PDE5A: variants seen among roughly 807,000 people sequenced by gnomAD.
The protein encoded by PDE5A is cGMP-specific 3',5'-cyclic phosphodiesterase.
PDE5A carries 67 observed loss-of-function variants against 110.2 expected under a neutral mutation model. That is an observed-to-expected ratio of 0.61 (90% CI 0.50 to 0.75). PDE5A has a LOEUF of 0.75. Among genes scored for constraint, PDE5A ranks in the 30% least tolerant of loss-of-function variants. PDE5A has a pLI of 0.00. For missense variants in PDE5A, 862 were observed against 1,045.1 expected (o/e 0.82, Z 2.42); for synonymous variants, 328 against 351.2 (o/e 0.93, Z 0.74).
At chr4:119,562,780 G>T (rs763481822) in intron 6 of PDE5A, 53 bp downstream of exon 6, 20 of 1,413,726 alleles carry the variant, frequency 1.4e-5, no homozygotes, top group Non-Finnish European at 1.8e-5. Context: ...AGTGCTTATA[G>T]AAATATAAGT....
At chr4:119,550,170 G>T (rs1727290636) in intron 9 of PDE5A, 1 of 152,052 alleles carries the variant, frequency 6.6e-6, no homozygotes, top group African/African-American at 2.4e-5. Flanking sequence ...TTATATTTGG[G>T]ATCTACTTGA....
intron 11 of PDE5A, among the ~76,000 whole-genome samples, chr4:119,531,224 G>A (rs996822145): frequency 6.6e-6 from 1 of 152,068 alleles, no homozygotes; most frequent in Non-Finnish European, 1.5e-5. Flanking sequence ...CCCCCAGTAA[G>A]CTTTCCACCT....
intron 2 of PDE5A, among the ~76,000 whole-genome samples, chr4:119,598,005 CTTATT>C (rs990448557): frequency 4.9e-4 from 75 of 152,012 alleles, no homozygotes; most frequent in African/African-American, 1.7e-3. Flanking sequence ...TAATAAAATT[CTTATT>C]TTATCTTTAG....
At chr4:119,566,425 A>C (rs1255776068) in intron 4 of PDE5A, among the ~76,000 whole-genome samples, 3 of 152,222 alleles carry the variant, frequency 2.0e-5, no homozygotes, top group African/African-American at 7.2e-5. Flanking sequence ...TCAATAGGAA[A>C]AATAATAAAA....
chr4:119,548,997 G>A (rs1727239789), intron 9 of PDE5A: 1 of 152,204 alleles, frequency 6.6e-6, no homozygotes, highest in African/African-American at 2.4e-5. Context: ...TGAAGTAGTA[G>A]TCAAACTTAA....
At chr4:119,583,276 C>T (rs542780089) in intron 3 of PDE5A, among the ~76,000 whole-genome samples, 13 of 152,322 alleles carry the variant, frequency 8.5e-5, no homozygotes, top group Admixed American at 2.0e-4. Context: ...GTAAACCTCA[C>T]GAGACAACCT....
chr4:119,516,502 A>C (rs1725912619), intron 14 of PDE5A, among the ~76,000 whole-genome samples: 1 of 152,240 alleles, frequency 6.6e-6, no homozygotes, highest in Non-Finnish European at 1.5e-5. Context: ...TAATGCAGGT[A>C]ATCTCTCTAC....
At chr4:119,586,883 C>T (rs1201830257) in intron 3 of PDE5A, among the ~76,000 whole-genome samples, 1 of 152,158 alleles carries the variant, frequency 6.6e-6, no homozygotes, top group Non-Finnish European at 1.5e-5. Context: ...CATTTGGGTA[C>T]ACAAAGCCTA....
At position 119,619,375 on chromosome 4, in the gene PDE5A, T is replaced by C. The variant is rs77002151; in HGVS notation, c.152+9145A>G. ...TGAAAGAGATTTTTAAGCTCACTTA[T>C]GAATCTCTCCGCCTTGAGTCTTCAC... On this transcript the variant is annotated intron_variant, in intron 1 of 20. Coordinates refer to ENST00000354960, the MANE Select transcript of PDE5A (RefSeq NM_001083.4). Among the ~76,000 whole-genome samples the C allele has an allele frequency of 3.9e-5, 6 of 152,198 alleles. No homozygotes were observed. In the East Asian group the frequency reaches 1.2e-3, roughly 29 times the overall value.
chr4:119,590,662 T>C (rs7678973), intron 3 of PDE5A, among the ~76,000 whole-genome samples: 72,805 of 152,004 alleles, frequency 0.48, 17,747 homozygotes, highest in South Asian at 0.64. Flanking sequence ...ATAACAGTTA[T>C]GGTTATAACA....
intron 3 of PDE5A, among the ~76,000 whole-genome samples, chr4:119,587,227 CTTTT>C (rs35539932): frequency 2.2e-5 from 3 of 134,098 alleles, no homozygotes; most frequent in Non-Finnish European, 4.8e-5. Context: ...GTAACTTTTC[CTTTT>C]TTTTTTTTTT....
intron 18 of PDE5A, among the ~76,000 whole-genome samples, chr4:119,503,098 G>T (rs934464621): frequency 1.3e-5 from 2 of 152,080 alleles, no homozygotes; most frequent in East Asian, 1.9e-4. Flanking sequence ...TGCTTATGGC[G>T]TGTTGGCTTT....
chr4:119,568,478 T>C (rs1480770059), intron 3 of PDE5A, among the ~76,000 whole-genome samples: 2 of 152,182 alleles, frequency 1.3e-5, no homozygotes, highest in African/African-American at 4.8e-5. Context: ...CAACAAATAG[T>C]GAAGTGCCTA....
intron 3 of PDE5A, among the ~76,000 whole-genome samples, chr4:119,579,067 A>T (rs1212218145): frequency 6.6e-6 from 1 of 152,192 alleles, no homozygotes; most frequent in Non-Finnish European, 1.5e-5. Context: ...ACATTTATGC[A>T]GCCAAAAGAC....
intron 9 of PDE5A, chr4:119,550,408 CA>C (rs1371169596): frequency 1.6e-4 from 24 of 152,256 alleles, no homozygotes; most frequent in African/African-American, 5.3e-4. Context: ...GAATTTTGAA[CA>C]GATCTGAAAA....
intron 1 of PDE5A, among the ~76,000 whole-genome samples, chr4:119,618,365 C>T (rs1446605826): frequency 6.6e-6 from 1 of 151,892 alleles, no homozygotes; most frequent in African/African-American, 2.4e-5. Flanking sequence ...TAGATGTTGG[C>T]TCTTGCTTCT....
At chr4:119,612,793 G>C in intron 1 of PDE5A, among the ~76,000 whole-genome samples, 1 of 152,204 alleles carries the variant, frequency 6.6e-6, no homozygotes, top group East Asian at 1.9e-4. Context: ...CAACAAATTT[G>C]TGTTTATAAA....
intron 20 of PDE5A, chr4:119,500,969 C>A: frequency 1.8e-6 from 1 of 540,624 alleles, no homozygotes; most frequent in Non-Finnish European, 3.3e-6. Flanking sequence ...GAGATTAGCA[C>A]ATAGTAGGCA....
intron 3 of PDE5A, among the ~76,000 whole-genome samples, chr4:119,583,173 A>T (rs1004241651): frequency 2.6e-5 from 4 of 152,164 alleles, no homozygotes; most frequent in Non-Finnish European, 5.9e-5. Flanking sequence ...TTCATCAATG[A>T]TCTTCACTAG....
Sources: allele counts gnomAD v4.1 joint callset (sites outside exome capture counted in the v4.1 genomes callset), GRCh38; gene constraint gnomAD v4.1.1; transcripts MANE v1.5; gene names NCBI Gene and HGNC (gene_info 2026-07-23, HGNC 2026-07-21).